The following CYP3A7 variants were observed in gnomAD, a reference collection of about 807,000 sequenced individuals.
The protein encoded by CYP3A7 is cytochrome P450 family 3 subfamily A member 7, also known as cytochrome P450 3A7.
A neutral mutation model predicts 55.2 loss-of-function variants in CYP3A7; 45 were observed. The ratio of observed to expected loss-of-function variants is 0.82; its 90% CI spans 0.64 to 1.05. The LOEUF is 1.05. Among genes scored for constraint, CYP3A7 ranks in the 50% least tolerant of loss-of-function variants. The pLI is 0.00. For synonymous variants in CYP3A7, 180 were observed against 207.4 expected (o/e 0.87, Z 1.13); for missense variants, 548 against 605.3 (o/e 0.91, Z 0.99).
intron 4 of CYP3A7, 93 bp from the exon 5 acceptor site, chr7:99,717,732 C>T: frequency 6.8e-7 from 1 of 1,471,270 alleles, no homozygotes; most frequent in Non-Finnish European, 9.3e-7. Context: ...ATGTATTTAA[C>T]AAATATTTAG....
intron 12 of CYP3A7, 114 bp from the exon 13 acceptor site, chr7:99,705,709 T>C: frequency 1.6e-6 from 2 of 1,286,710 alleles, no homozygotes; most frequent in Non-Finnish European, 2.2e-6. Flanking sequence ...ATATAAAAAC[T>C]ACTTTCAGCA....
Position 99,714,548 on chromosome 7 carries a change from G to A in CYP3A7, c.798+7C>T, listed in dbSNP as rs369588507. On this transcript the variant is annotated splice_region_variant and intron_variant, in intron 8 of 12. Transcript: ENST00000336374. ...AACATCCTCCTATAACTACCACCAC[G>A]TTTTACCTTTTGTGTCTCTTTGAGG... 12 of 1,612,094 alleles carry A rather than the reference G, an allele frequency of 7.4e-6. No individual in the cohort carries two copies. Among genetic ancestry groups the A allele is most frequent in the African/African-American group, 2.7e-5 (2 of 74,888 alleles).
At position 99,707,913 on chromosome 7, in the gene CYP3A7, G is replaced by A. The variant is rs1162803300; in HGVS notation, c.1315C>T (p.Pro439Ser). 2 of 1,613,864 alleles carry A rather than the reference G, an allele frequency of 1.2e-6. No homozygotes were observed. The highest frequency in any genetic ancestry group is 1.7e-6 in the Non-Finnish European group (2 of 1,179,920). ...PYIYTPFGSG[P>S]RNCIGMRFAL... Reference sequence around the variant, plus strand: ...AACCTCATGCCAATGCAGTTTCTGGGTCCACTTCCAAAGGGTGTGTATATG... The same window carrying A: ...AACCTCATGCCAATGCAGTTTCTGGATCCACTTCCAAAGGGTGTGTATATG... The change falls in exon 12 of 13, where the codon CCC becomes TCC. Residue 439 changes from proline (P) to serine (S), a missense_variant. Transcript: ENST00000336374.
intron 8 of CYP3A7, among the ~76,000 whole-genome samples, chr7:99,714,209 A>T (rs1813852725): frequency 6.6e-6 from 1 of 152,242 alleles, no homozygotes. Context: ...TAGAGAAAGC[A>T]TAATACCAAT....
intron 6 of CYP3A7, 107 bp downstream of exon 6, chr7:99,717,070 T>A: frequency 7.0e-7 from 1 of 1,433,514 alleles, no homozygotes. Context: ...ACAGCCCTCC[T>A]TTTGTCTGGT....
intron 9 of CYP3A7, among the ~76,000 whole-genome samples, chr7:99,713,146 A>C (rs1813818669): frequency 6.6e-6 from 1 of 152,222 alleles, no homozygotes; most frequent in African/African-American, 2.4e-5. Flanking sequence ...AAACCTAATA[A>C]ATTTCCAGGA....
chr7:99,717,919 G>A (rs1347196694), intron 4 of CYP3A7, among the ~76,000 whole-genome samples: 10 of 152,140 alleles, frequency 6.6e-5, no homozygotes, highest in East Asian at 3.8e-4. Context: ...CACCTAGCAC[G>A]CGTGCAGTGT....
At chr7:99,732,901 T>C (rs1814680793) in intron 1 of CYP3A7, among the ~76,000 whole-genome samples, 1 of 152,220 alleles carries the variant, frequency 6.6e-6, no homozygotes, top group Non-Finnish European at 1.5e-5. Context: ...ATGTTCCAGA[T>C]AGTTGAATTA....
At chr7:99,725,526 A>G (rs576806352) in intron 2 of CYP3A7, among the ~76,000 whole-genome samples, 48 of 152,264 alleles carry the variant, frequency 3.2e-4, no homozygotes, top group South Asian at 1.2e-3. Flanking sequence ...AAACCTCCTC[A>G]TGGACCTTGC....
chr7:99,731,069 G>T lies in CYP3A7; in HGVS notation c.155C>A (p.Ser52Tyr), dbSNP rs1314906183. The change falls in exon 2 of 13, where the codon TCC becomes TAC. Residue 52 changes from serine (S) to tyrosine (Y), a missense_variant. Transcript: ENST00000336374. Reference sequence around the variant, plus strand: ...CTCAAAAACACTCACCTTACGGAAGGACAAAGCATTTCCCAAAAAAGGCAG... The same window carrying T: ...CTCAAAAACACTCACCTTACGGAAGTACAAAGCATTTCCCAAAAAAGGCAG... ...TPLPFLGNAL[S>Y]FRKGYWTFDM... 1 of 1,613,760 alleles carries T rather than the reference G, an allele frequency of 6.2e-7. No homozygotes were observed. The highest frequency in any genetic ancestry group is 8.5e-7 in the Non-Finnish European group (1 of 1,179,770).
chr7:99,717,563 A>G lies in CYP3A7; in HGVS notation c.395T>C (p.Leu132Ser). ...EDEEWKRIRS[L>S]LSPTFTSGKL... Reference sequence around the variant, plus strand: ...TCCGCTGGTGAATGTTGGAGACAGCAATGATCGTATTCTCTTCCATTCTTC... The same window carrying G: ...TCCGCTGGTGAATGTTGGAGACAGCGATGATCGTATTCTCTTCCATTCTTC... The change falls in exon 5 of 13, where the codon TTG (leucine) becomes TCG (serine). Residue 132 changes from leucine (L) to serine (S), a missense_variant. Transcript: ENST00000336374. 1 of 1,613,772 alleles carries G rather than the reference A, an allele frequency of 6.2e-7. No individual in the cohort carries two copies.
chr7:99,708,071 G>T, intron 11 of CYP3A7, 97 bp from the exon 12 acceptor site: 1 of 1,543,418 alleles, frequency 6.5e-7, no homozygotes, highest in Non-Finnish European at 8.9e-7. Context: ...CCCTCTACTA[G>T]CAGTACACAG....
intron 2 of CYP3A7, among the ~76,000 whole-genome samples, chr7:99,729,855 G>T (rs1814551977): frequency 6.6e-6 from 1 of 152,132 alleles, no homozygotes; most frequent in Non-Finnish European, 1.5e-5. Context: ...GACTCAGTTG[G>T]CCTGCACCCA....
Position 99,717,134 on chromosome 7 carries a change from G to T in CYP3A7, c.521+43C>A, listed in dbSNP as rs777032037. 1.6e-5 allele frequency: 25 copies of T among 1,612,738 alleles called. No homozygotes were observed. The South Asian group carries it at 2.6e-4, about 17-fold the overall frequency. On this transcript the variant is annotated intron_variant, in intron 6 of 12. Coordinates refer to ENST00000336374, the MANE Select transcript of CYP3A7 (RefSeq NM_000765.5). ...CAGCTCCATAGCAGGCAGCTGGAGG[G>T]GCTCATGACAGCTCAGAACCCCATG... is the stretch of plus-strand genomic sequence containing the variant.
chr7:99,712,951 A>G (rs1813810914), intron 9 of CYP3A7, among the ~76,000 whole-genome samples: 1 of 152,212 alleles, frequency 6.6e-6, no homozygotes, highest in African/African-American at 2.4e-5. Context: ...TCCATTGCAA[A>G]GGAAAAAATA....
In CYP3A7 at chr7:99,722,496, AAAC is replaced by A; in HGVS notation, c.166-151_166-149del. ...ATTTAGAGATGTCATAAGAGAAAGGAAACAAAATAGAGGAGGTATTTGAAATGG... is the reference window on the plus strand; with the variant it reads ...ATTTAGAGATGTCATAAGAGAAAGGAAAAATAGAGGAGGTATTTGAAATGG... On this transcript the variant is annotated intron_variant, in intron 2 of 12. Coordinates refer to ENST00000336374, the MANE Select transcript of CYP3A7 (RefSeq NM_000765.5). 3.0e-6 allele frequency: 3 copies of A among 987,984 alleles called. No individual in the cohort carries two copies. In the South Asian group the frequency reaches 4.9e-5, roughly 16 times the overall value. The allele number at this position is 987,984 out of a possible 1,614,324, so 61.2% of individuals were successfully genotyped here. A position where few individuals can be genotyped will look rare whatever the true frequency, so the allele number is the denominator to read the frequency against.
At chr7:99,715,950 A>C in intron 6 of CYP3A7, 44 bp from the exon 7 acceptor site, 1 of 1,612,482 alleles carries the variant, frequency 6.2e-7, no homozygotes, top group South Asian at 1.1e-5. Flanking sequence ...GCACCTCTTT[A>C]CCATCCTTCC....
intron 12 of CYP3A7, 54 bp downstream of exon 12, chr7:99,707,758 A>G (rs1279637062): frequency 1.9e-6 from 3 of 1,607,762 alleles, no homozygotes; most frequent in Non-Finnish European, 2.6e-6. Flanking sequence ...TATATAGACC[A>G]TTCAGTTAAA....
intron 2 of CYP3A7, among the ~76,000 whole-genome samples, chr7:99,725,971 G>A (rs1584521152): frequency 2.0e-5 from 3 of 152,214 alleles, no homozygotes; most frequent in Admixed American, 1.3e-4. Flanking sequence ...GCCAAATTGG[G>A]CAACATTCTT....
Sources: gnomAD v4.1 joint callset for allele counts (sites outside exome capture counted in the v4.1 genomes callset) on GRCh38, gnomAD v4.1.1 for gene constraint, MANE v1.5 for transcripts, NCBI Gene and HGNC (gene_info 2026-07-23, HGNC 2026-07-21) for gene names.